PPP2R3C: variants seen among roughly 807,000 people sequenced by gnomAD.
The protein encoded by PPP2R3C is serine/threonine-protein phosphatase 2A regulatory subunit B'' subunit gamma.
In PPP2R3C, 47 loss-of-function variants were observed where a neutral mutation model predicts 63.7. The ratio of observed to expected loss-of-function variants is 0.74; its 90% CI spans 0.58 to 0.94. PPP2R3C has a LOEUF of 0.94. PPP2R3C is among the 40% of genes least tolerant of loss of function. PPP2R3C has a pLI of 0.00. For missense variants in PPP2R3C, 421 were observed against 518.4 expected (o/e 0.81, Z 1.82); for synonymous variants, 180 against 177.4 (o/e 1.01, Z -0.12).
chr14:35,089,790 C>T (rs1327527604), intron 11 of PPP2R3C, among the ~76,000 whole-genome samples: 8 of 152,034 alleles, frequency 5.3e-5, no homozygotes, highest in South Asian at 2.1e-4. Context: ...CTCAGCCTCC[C>T]GAGTAGCTGG....
chr14:35,089,803 C>A (rs923646306), intron 11 of PPP2R3C, among the ~76,000 whole-genome samples: 4 of 151,372 alleles, frequency 2.6e-5, no homozygotes, highest in African/African-American at 9.7e-5. Flanking sequence ...GTAGCTGGGA[C>A]TATAGGCGCC....
intron 4 of PPP2R3C, among the ~76,000 whole-genome samples, chr14:35,109,389 AT>A (rs1214305823): frequency 6.6e-6 from 1 of 151,954 alleles, no homozygotes; most frequent in Non-Finnish European, 1.5e-5. Context: ...TACCAATGTG[AT>A]TTTTTGACTG....
chr14:35,087,347 G>A (rs1001619482), intron 12 of PPP2R3C: 1 of 152,134 alleles, frequency 6.6e-6, no homozygotes, highest in Admixed American at 6.6e-5. Context: ...TAAAAAATCA[G>A]TTTACAGTTG....
At position 35,091,028 on chromosome 14, in the gene PPP2R3C, T is replaced by C. The variant is rs371840225; in HGVS notation, c.1113+42A>G. 4 of 1,541,084 alleles carry C rather than the reference T, an allele frequency of 2.6e-6. No homozygotes were observed. The African/African-American group carries it at 4.1e-5, about 16-fold the overall frequency. On this transcript the variant is annotated intron_variant, in intron 11 of 12. Transcript: ENST00000261475. ...CTGCACCGGCAGCAACAAAATGATA[T>C]ATCTTAAGGAACAATGACTCACTTA...
At chr14:35,120,076 TG>T (rs902703777) in intron 1 of PPP2R3C, among the ~76,000 whole-genome samples, 1 of 150,722 alleles carries the variant, frequency 6.6e-6, no homozygotes, top group African/African-American at 2.4e-5. Flanking sequence ...CCTGACCTCG[TG>T]ATCCGCCCGC....
At chr14:35,087,227 AT>A (rs1351864965) in intron 12 of PPP2R3C, 1 of 152,190 alleles carries the variant, frequency 6.6e-6, no homozygotes, top group African/African-American at 2.4e-5. Flanking sequence ...ATGTTTTCTA[AT>A]CTTTTTGTAG....
chr14:35,100,983 C>T (rs2046168368), intron 6 of PPP2R3C: 1 of 151,934 alleles, frequency 6.6e-6, no homozygotes, highest in Non-Finnish European at 1.5e-5. Context: ...TGAATATATT[C>T]CTTTTTTTTC....
intron 6 of PPP2R3C, chr14:35,102,669 C>A (rs2046236827): frequency 6.6e-6 from 1 of 152,180 alleles, no homozygotes; most frequent in African/African-American, 2.4e-5. Context: ...CTATTTCTTG[C>A]TTTCTCTACA....
At chr14:35,116,316 A>G (rs1019176407) in intron 2 of PPP2R3C, among the ~76,000 whole-genome samples, 11 of 152,236 alleles carry the variant, frequency 7.2e-5, no homozygotes, top group African/African-American at 2.2e-4. Context: ...CAGTGACACA[A>G]TCACGGCTCA....
At chr14:35,113,398 C>G (rs2046621121) in intron 2 of PPP2R3C, among the ~76,000 whole-genome samples, 1 of 151,858 alleles carries the variant, frequency 6.6e-6, no homozygotes, top group South Asian at 2.1e-4. Flanking sequence ...AGAGAAGTGA[C>G]ACGAAGAAAG....
At chr14:35,091,792 C>G (rs2045827524) in intron 10 of PPP2R3C, among the ~76,000 whole-genome samples, 1 of 151,324 alleles carries the variant, frequency 6.6e-6, no homozygotes, top group South Asian at 2.1e-4. Flanking sequence ...GCAATCTCAG[C>G]TCACTGAAAC....
At chr14:35,092,047 C>T (rs988797552) in intron 10 of PPP2R3C, among the ~76,000 whole-genome samples, 1 of 150,658 alleles carries the variant, frequency 6.6e-6, no homozygotes, top group East Asian at 2.0e-4. Flanking sequence ...GAGAGATTTG[C>T]TGTGTTAAAC....
At chr14:35,107,446 C>G in intron 5 of PPP2R3C, 72 bp from the exon 6 acceptor site, 7 of 1,260,676 alleles carry the variant, frequency 5.6e-6, no homozygotes, top group Middle Eastern at 2.2e-4. Context: ...AGATAAAGAG[C>G]CAGATTTGAG....
Position 35,099,399 on chromosome 14 carries a change from AAAT to A in PPP2R3C, c.574-18_574-16del, listed in dbSNP as rs773109024. ...TTTTCTAAATCCTGAAAATAAAACA[AAAT>A]AAAGTGTTAAATGTCCAGTCTTGAT... is the stretch of plus-strand genomic sequence containing the variant. On this transcript the variant is annotated splice_polypyrimidine_tract_variant and intron_variant, in intron 6 of 12. Coordinates refer to ENST00000261475, the MANE Select transcript of PPP2R3C (RefSeq NM_017917.4). 1.0e-5 allele frequency: 16 copies of A among 1,585,826 alleles called. No homozygotes were observed. The South Asian group carries it at 1.7e-4, about 16-fold the overall frequency.
chr14:35,089,483 C>T (rs555065144), intron 11 of PPP2R3C, among the ~76,000 whole-genome samples: 31 of 151,942 alleles, frequency 2.0e-4, no homozygotes, highest in Non-Finnish European at 4.0e-4. Context: ...CCCCAGTAAC[C>T]GGGACCACAG....
At chr14:35,090,981 C>G in intron 11 of PPP2R3C, 89 bp downstream of exon 11, 1 of 1,275,560 alleles carries the variant, frequency 7.8e-7, no homozygotes, top group Non-Finnish European at 1.1e-6. Context: ...TCCCAAAGTG[C>G]TGGGATTACA....
intron 1 of PPP2R3C, among the ~76,000 whole-genome samples, chr14:35,120,492 G>A (rs1595137103): frequency 6.6e-6 from 1 of 151,718 alleles, no homozygotes; most frequent in East Asian, 2.0e-4. Flanking sequence ...TGATCCGCCC[G>A]CCTCGGCCTC....
chr14:35,106,402 T>A (rs1255524288), intron 6 of PPP2R3C: 1 of 152,030 alleles, frequency 6.6e-6, no homozygotes. Context: ...AGTGCAGTGG[T>A]GCAATCTCGG....
intron 6 of PPP2R3C, among the ~76,000 whole-genome samples, chr14:35,103,043 G>A (rs572997832): frequency 2.0e-5 from 3 of 152,268 alleles, no homozygotes; most frequent in Admixed American, 6.5e-5. Context: ...TTACGGGCAT[G>A]AGCCACCGTG....
Sources: gnomAD v4.1 joint callset for allele counts (sites outside exome capture counted in the v4.1 genomes callset) on GRCh38, gnomAD v4.1.1 for gene constraint, MANE v1.5 for transcripts, NCBI Gene and HGNC (gene_info 2026-07-23, HGNC 2026-07-21) for gene names.